ST6GALNAC3: variants seen among roughly 807,000 people sequenced by gnomAD.
ST6GALNAC3 encodes the protein ST6 N-acetylgalactosaminide alpha-2,6-sialyltransferase 3, also known as alpha-N-acetylgalactosaminide alpha-2,6-sialyltransferase 3.
Under a neutral mutation model 32.7 loss-of-function variants are expected in ST6GALNAC3, and 25 were observed. That is an observed-to-expected ratio of 0.76 (90% confidence interval 0.56 to 1.07). The LOEUF is 1.07. Ranked by LOEUF, ST6GALNAC3 falls within the 50% of genes least tolerant of loss-of-function variation. The probability of loss-of-function intolerance (pLI) is 0.00; values close to 1 mark genes in which losing one functional copy is unlikely to be tolerated. For synonymous variants in ST6GALNAC3, 129 were observed against 133.1 expected (o/e 0.97, Z 0.21); for missense variants, 355 against 382.4 (o/e 0.93, Z 0.60).
At chr1:76,173,990 A>C (rs1404675204) in intron 1 of ST6GALNAC3, among the ~76,000 whole-genome samples, 1 of 152,228 alleles carries the variant, frequency 6.6e-6, no homozygotes, top group Non-Finnish European at 1.5e-5. Flanking sequence ...TACTGGGTAT[A>C]TACCCAGAGA....
intron 1 of ST6GALNAC3, among the ~76,000 whole-genome samples, chr1:76,286,796 C>T (rs1021918234): frequency 6.6e-6 from 1 of 152,200 alleles, no homozygotes; most frequent in African/African-American, 2.4e-5. Context: ...ATTGTGAGTG[C>T]ACCAGGAAAG....
chr1:76,334,647 C>T (rs986341568), intron 2 of ST6GALNAC3, among the ~76,000 whole-genome samples: 1 of 152,180 alleles, frequency 6.6e-6, no homozygotes, highest in Non-Finnish European at 1.5e-5. Context: ...GGTAATCTCA[C>T]AGTAGGCAGG....
In ST6GALNAC3 at chr1:76,192,607, G is replaced by A. The variant is rs561548352; in HGVS notation, c.18+117723G>A. Reference sequence around the variant, plus strand: ...TTGGGGCCTTGTTTCAGGGGCTTGTGTTTTGGTAAGAAGATGTTTTGTTTC... The same window carrying A: ...TTGGGGCCTTGTTTCAGGGGCTTGTATTTTGGTAAGAAGATGTTTTGTTTC... On this transcript the variant is annotated intron_variant, in intron 1 of 4. Transcript: ENST00000328299. Among the ~76,000 whole-genome samples, 3 of 152,282 alleles carry A rather than the reference G, an allele frequency of 2.0e-5. No homozygotes were observed. The East Asian group carries it at 5.8e-4, about 29-fold the overall frequency.
chr1:76,167,858 T>G (rs768961959), intron 1 of ST6GALNAC3, among the ~76,000 whole-genome samples: 1 of 152,052 alleles, frequency 6.6e-6, no homozygotes, highest in Non-Finnish European at 1.5e-5. Flanking sequence ...CTGATTGTGT[T>G]TATTGGAATC....
chr1:76,489,486 C>T (rs1201426734), intron 3 of ST6GALNAC3, among the ~76,000 whole-genome samples: 1 of 152,066 alleles, frequency 6.6e-6, no homozygotes, highest in African/African-American at 2.4e-5. Context: ...CTCTCTTCCC[C>T]TCTTTCTCTT....
chr1:76,581,358 T>C (rs1646889411), intron 3 of ST6GALNAC3, among the ~76,000 whole-genome samples: 1 of 152,178 alleles, frequency 6.6e-6, no homozygotes, highest in South Asian at 2.1e-4. Context: ...ATAATCTATC[T>C]GGGTGCTAAG....
chr1:76,549,620 G>A (rs1664503603), intron 3 of ST6GALNAC3, among the ~76,000 whole-genome samples: 1 of 151,934 alleles, frequency 6.6e-6, no homozygotes, highest in African/African-American at 2.4e-5. Flanking sequence ...GTCTTCCCCT[G>A]TAATAGGTAA....
At chr1:76,529,053 G>A (rs373263792) in intron 3 of ST6GALNAC3, among the ~76,000 whole-genome samples, 6 of 152,052 alleles carry the variant, frequency 3.9e-5, no homozygotes, top group African/African-American at 1.2e-4. Context: ...TGATCTGTGT[G>A]CAGGCATCAC....
At chr1:76,315,036 G>A (rs986388669) in intron 2 of ST6GALNAC3, among the ~76,000 whole-genome samples, 1 of 151,874 alleles carries the variant, frequency 6.6e-6, no homozygotes, top group African/African-American at 2.4e-5. Context: ...TTCGAAAATT[G>A]TTTCTGTATC....
chr1:76,272,255 C>T (rs1342203579), intron 1 of ST6GALNAC3, among the ~76,000 whole-genome samples: 1 of 141,900 alleles, frequency 7.0e-6, no homozygotes, highest in East Asian at 2.1e-4. Context: ...GAACCCAGGT[C>T]GAGGTTGCAG....
At chr1:76,144,587 C>G (rs1157334188) in intron 1 of ST6GALNAC3, among the ~76,000 whole-genome samples, 1 of 152,220 alleles carries the variant, frequency 6.6e-6, no homozygotes, top group Non-Finnish European at 1.5e-5. Flanking sequence ...AGGATTCCCC[C>G]TGCCTTGGCT....
chr1:76,122,440 G>A (rs1310557337), intron 1 of ST6GALNAC3, among the ~76,000 whole-genome samples: 3 of 152,138 alleles, frequency 2.0e-5, no homozygotes, highest in Non-Finnish European at 2.9e-5. Context: ...AGGTGAACAA[G>A]TGAACAGCTC....
At chr1:76,356,396 G>A (rs996091769) in intron 2 of ST6GALNAC3, among the ~76,000 whole-genome samples, 1 of 130,906 alleles carries the variant, frequency 7.6e-6, no homozygotes, top group Non-Finnish European at 1.5e-5. Flanking sequence ...GCCAACCCCC[G>A]ATCTAGACTC....
At chr1:76,114,460 T>C (rs751988988) in intron 1 of ST6GALNAC3, among the ~76,000 whole-genome samples, 2 of 152,222 alleles carry the variant, frequency 1.3e-5, no homozygotes, top group African/African-American at 2.4e-5. Context: ...AGTGATTTTC[T>C]CTAGTTTTAC....
At chr1:76,258,069 G>A (rs996286796) in intron 1 of ST6GALNAC3, among the ~76,000 whole-genome samples, 5 of 152,130 alleles carry the variant, frequency 3.3e-5, no homozygotes, top group African/African-American at 1.2e-4. Flanking sequence ...AAGGCAATAA[G>A]CATATTGCAA....
intron 1 of ST6GALNAC3, among the ~76,000 whole-genome samples, chr1:76,109,413 G>A (rs1012015856): frequency 6.6e-6 from 1 of 152,196 alleles, no homozygotes; most frequent in African/African-American, 2.4e-5. Context: ...GTCATTTGTT[G>A]TTAAGAGCTG....
chr1:76,174,988 A>G (rs1322389273), intron 1 of ST6GALNAC3, among the ~76,000 whole-genome samples: 1 of 152,124 alleles, frequency 6.6e-6, no homozygotes, highest in East Asian at 1.9e-4. Flanking sequence ...GTTCTATAAT[A>G]CGCTACTTAA....
chr1:76,157,303 C>T (rs573970382), intron 1 of ST6GALNAC3, among the ~76,000 whole-genome samples: 1 of 152,314 alleles, frequency 6.6e-6, no homozygotes, highest in South Asian at 2.1e-4. Flanking sequence ...TCACGTGGAT[C>T]ATTCTAGCCT....
rs139990501 is a variant in ST6GALNAC3 at position 76,288,505 on chromosome 1, G to A, written c.19-25300G>A. Among the ~76,000 whole-genome samples the A allele has an allele frequency of 1.4e-4, 22 of 152,290 alleles. 1 individual carries two copies. The East Asian group carries it at 3.1e-3, about 21-fold the overall frequency. On this transcript the variant is annotated intron_variant, in intron 1 of 4. Transcript: ENST00000328299. Reference sequence around the variant, plus strand: ...AGTCCTCACCACTAAGTAACTTGTGGTATAAGAGAGGGAATGGCACACATA... The same window carrying A: ...AGTCCTCACCACTAAGTAACTTGTGATATAAGAGAGGGAATGGCACACATA...
Sources: allele counts gnomAD v4.1 joint callset (sites outside exome capture counted in the v4.1 genomes callset), GRCh38; gene constraint gnomAD v4.1.1; transcripts MANE v1.5; gene names NCBI Gene and HGNC (gene_info 2026-07-23, HGNC 2026-07-21).